The following CCNY variants were observed in gnomAD, a reference collection of about 807,000 sequenced individuals.
CCNY encodes cyclin Y.
Under a neutral mutation model 42.8 loss-of-function variants are expected in CCNY, and 19 were observed. That is an observed-to-expected ratio of 0.44 (90% CI 0.31 to 0.65). The LOEUF (loss-of-function observed/expected upper bound fraction) is 0.65. CCNY is among the 30% of genes least tolerant of loss of function. CCNY has a pLI of 0.07. For synonymous variants in CCNY, 165 were observed against 162.7 expected, an observed-to-expected ratio of 1.01 and a Z score of -0.11; for missense variants, 370 against 437.3, an observed-to-expected ratio of 0.85 and a Z score of 1.37.
rs141035856 is a variant in CCNY, at chr10:35,368,686, C to T, written c.154+31479C>T. On this transcript the variant is annotated intron_variant, in intron 1 of 9. Coordinates refer to ENST00000374704, the MANE Select transcript of CCNY (RefSeq NM_145012.6). Reference sequence around the variant, plus strand: ...CTCCGGCATTGACTGCTCTATAGCCCGGCCCCAGGCGTCAGGGCAGGCCGC... The same window carrying T: ...CTCCGGCATTGACTGCTCTATAGCCTGGCCCCAGGCGTCAGGGCAGGCCGC... Among the ~76,000 whole-genome samples the T allele has an allele frequency of 5.1e-3, 781 of 152,320 alleles. 12 individuals carry two copies. Among genetic ancestry groups the T allele is most frequent in the African/African-American group, 0.018 (744 of 41,570 alleles).
chr10:35,465,926 A>T lies in CCNY; in HGVS notation c.155-17478A>T, dbSNP rs111498293. Among the ~76,000 whole-genome samples the T allele has an allele frequency of 3.6e-3, 501 of 139,350 alleles. 5 individuals carry two copies. The highest frequency in any genetic ancestry group is 0.013 in the African/African-American group (474 of 35,800). 91.4% of individuals were successfully genotyped at this position (139,350 alleles called of 152,430 possible). A position where few individuals can be genotyped will look rare whatever the true frequency, so the allele number is the denominator to read the frequency against. ...GGGGAAGAGAGAGAGAGAGAGAGAG[A>T]GAGAGAGAGAGAGTGTGTGTGTGTG... is the stretch of plus-strand genomic sequence containing the variant. On this transcript the variant is annotated intron_variant, in intron 1 of 9. Coordinates refer to ENST00000374704, the MANE Select transcript of CCNY (RefSeq NM_145012.6).
chr10:35,565,730 G>A (rs925312617), intron 8 of CCNY, among the ~76,000 whole-genome samples: 4 of 152,214 alleles, frequency 2.6e-5, no homozygotes, highest in Admixed American at 6.5e-5. Flanking sequence ...CTGTCCTCAC[G>A]GAGACCTGCA....
At position 35,390,071 on chromosome 10, in the gene CCNY, A is replaced by G. The variant is rs922792228; in HGVS notation, c.154+52864A>G. 2.6e-5 allele frequency among the ~76,000 whole-genome samples: 4 copies of G among 152,372 alleles called. No homozygotes were observed. The East Asian group carries it at 5.8e-4, about 22-fold the overall frequency. On this transcript the variant is annotated intron_variant, in intron 1 of 9. Coordinates refer to ENST00000374704, the MANE Select transcript of CCNY (RefSeq NM_145012.6). ...TCATTGGCTCGCTTTTAAGGATTAT[A>G]CTTTCAAAATGTGAGAACTATCAGA...
chr10:35,571,942 T>C lies in CCNY; in HGVS notation c.*2772T>C, dbSNP rs986962357. ...TAAATATATATCCCGATGAATCTTT[T>C]TGATTTGTTTTACTTTTCTTATTTT... On this transcript the variant is annotated 3_prime_UTR_variant, in exon 10 of 10. Coordinates refer to ENST00000374704, the MANE Select transcript of CCNY (RefSeq NM_145012.6). 6.6e-6 allele frequency: 1 copy of C among 150,644 alleles called. No homozygotes were observed. The highest frequency in any genetic ancestry group is 1.5e-5 in the Non-Finnish European group (1 of 67,858). 9.3% of individuals were successfully genotyped at this position (150,644 alleles called of 1,614,324 possible). A position where few individuals can be genotyped will look rare whatever the true frequency, so the allele number is the denominator to read the frequency against.
intron 3 of CCNY, among the ~76,000 whole-genome samples, chr10:35,510,263 G>A (rs1019511825): frequency 1.3e-4 from 20 of 152,108 alleles, no homozygotes; most frequent in African/African-American, 4.8e-4. Flanking sequence ...CACTCAGGGT[G>A]GAGTGTAGTG....
intron 1 of CCNY, among the ~76,000 whole-genome samples, chr10:35,442,961 C>T (rs1838706465): frequency 6.6e-6 from 1 of 152,328 alleles, no homozygotes; most frequent in South Asian, 2.1e-4. Context: ...ACTTGTACAG[C>T]ATCTGACTGG....
chr10:35,344,638 A>G (rs944093355), intron 1 of CCNY, among the ~76,000 whole-genome samples: 11 of 151,996 alleles, frequency 7.2e-5, no homozygotes, highest in African/African-American at 2.4e-4. Flanking sequence ...GGTTTATTAC[A>G]TATGTATACA....
chr10:35,378,267 C>T (rs1296541417), intron 1 of CCNY, among the ~76,000 whole-genome samples: 1 of 152,166 alleles, frequency 6.6e-6, no homozygotes, highest in Non-Finnish European at 1.5e-5. Flanking sequence ...CTAATATCAT[C>T]CCTGACCTCC....
intron 3 of CCNY, among the ~76,000 whole-genome samples, chr10:35,290,704 G>A (rs1835403821): frequency 6.6e-6 from 1 of 152,064 alleles, no homozygotes; most frequent in Non-Finnish European, 1.5e-5. Flanking sequence ...GCTCACATCT[G>A]TAATCCCAGT....
chr10:35,465,932 A>AGT (rs1564422014), intron 1 of CCNY, among the ~76,000 whole-genome samples: 6 of 137,942 alleles, frequency 4.3e-5, no homozygotes, highest in South Asian at 4.6e-4. Context: ...AGAGAGAGAG[A>AGT]GAGAGAGTGT....
chr10:35,567,836 G>A (rs1841602595), intron 9 of CCNY, among the ~76,000 whole-genome samples: 1 of 152,192 alleles, frequency 6.6e-6, no homozygotes, highest in African/African-American at 2.4e-5. Flanking sequence ...CTGTGATTGT[G>A]TGCCAGCCTT....
At chr10:35,567,069 T>C (rs1339258763) in intron 9 of CCNY, among the ~76,000 whole-genome samples, 1 of 152,236 alleles carries the variant, frequency 6.6e-6, no homozygotes, top group African/African-American at 2.4e-5. Flanking sequence ...AAGAAAATTA[T>C]GTCCCCCCAA....
At chr10:35,547,852 C>G (rs1168218721) in intron 7 of CCNY, among the ~76,000 whole-genome samples, 1 of 152,088 alleles carries the variant, frequency 6.6e-6, no homozygotes, top group Non-Finnish European at 1.5e-5. Context: ...GGAAGAGGCC[C>G]TTACACTACT....
intron 1 of CCNY, among the ~76,000 whole-genome samples, chr10:35,465,938 A>AGAGAGAGAGAGAGAGAGAGGGTGT: frequency 1.2e-5 from 1 of 80,960 alleles, no homozygotes; most frequent in Non-Finnish European, 2.6e-5. Flanking sequence ...AGAGAGAGAG[A>AGAGAGAGAGAGAGAGAGAGGGTGT]GTGTGTGTGT....
intron 1 of CCNY, among the ~76,000 whole-genome samples, chr10:35,346,316 GT>G (rs1431769724): frequency 2.0e-5 from 3 of 152,148 alleles, no homozygotes; most frequent in Admixed American, 1.3e-4. Flanking sequence ...GCTGGTAGCT[GT>G]TGCTAGGCTC....
At chr10:35,548,456 C>T (rs1031969133) in intron 7 of CCNY, among the ~76,000 whole-genome samples, 2 of 151,824 alleles carry the variant, frequency 1.3e-5, no homozygotes, top group African/African-American at 2.4e-5. Context: ...GTACACCATG[C>T]CCAGCTAATT....
At chr10:35,322,795 G>A (rs568447716) in intron 3 of CCNY, among the ~76,000 whole-genome samples, 4 of 152,154 alleles carry the variant, frequency 2.6e-5, no homozygotes, top group Non-Finnish European at 2.9e-5. Context: ...ATACCACTAC[G>A]TATCCATTAG....
chr10:35,478,707 A>T (rs1589147722), intron 1 of CCNY, among the ~76,000 whole-genome samples: 2 of 152,320 alleles, frequency 1.3e-5, no homozygotes, highest in East Asian at 3.9e-4. Flanking sequence ...CCTAGGCAAT[A>T]CCATTCAGGA....
chr10:35,339,709 T>C (rs1301796796), intron 1 of CCNY, among the ~76,000 whole-genome samples: 1 of 152,232 alleles, frequency 6.6e-6, no homozygotes, highest in Non-Finnish European at 1.5e-5. Flanking sequence ...TATGTATCCA[T>C]GCTTTCTTCC....
Sources: gnomAD v4.1 joint callset for allele counts (sites outside exome capture counted in the v4.1 genomes callset) on GRCh38, gnomAD v4.1.1 for gene constraint, MANE v1.5 for transcripts, NCBI Gene and HGNC (gene_info 2026-07-23, HGNC 2026-07-21) for gene names.